The following ZNF141 variants were observed in gnomAD, a reference collection of about 807,000 sequenced individuals.
The protein encoded by ZNF141 is zinc finger protein 141 (clone pHZ-44).
A neutral mutation model predicts 11.3 loss-of-function variants in ZNF141; 7 were observed. The observed-to-expected ratio is 0.62, with a 90% CI of 0.35 to 1.16. The LOEUF is 1.16. ZNF141 is among the 50% of genes most tolerant of loss of function. The probability of loss-of-function intolerance (pLI) is 0.02; values close to 1 mark genes in which losing one functional copy is unlikely to be tolerated. For missense variants in ZNF141, 535 were observed against 554.0 expected, an observed-to-expected ratio of 0.97 and a Z score of 0.34; for synonymous variants, 183 against 190.7, an observed-to-expected ratio of 0.96 and a Z score of 0.33.
chr4:376,030 TA>T lies in ZNF141; in HGVS notation c.*2170del, dbSNP rs1406013891. Among the ~76,000 whole-genome samples, 1 of 152,078 alleles carries T rather than the reference TA, an allele frequency of 6.6e-6. No individual in the cohort carries two copies. The highest frequency in any genetic ancestry group is 1.5e-5 in the Non-Finnish European group (1 of 67,916). ...TTGTTTTACCAATTATACATTTATG[TA>T]ATAAGATACAGTAAATTTTAAAATT... On this transcript the variant is annotated 3_prime_UTR_variant, in exon 4 of 4. Coordinates refer to ENST00000240499, the MANE Select transcript of ZNF141 (RefSeq NM_003441.4).
chr4:345,526 C>T (rs1553849395), intron 3 of ZNF141, among the ~76,000 whole-genome samples: 1 of 151,928 alleles, frequency 6.6e-6, no homozygotes, highest in African/African-American at 2.4e-5. Flanking sequence ...ATCGGGAGTA[C>T]AAGACTAGCC....
Position 380,952 on chromosome 4 carries a change from T to C in ZNF141, c.*7090T>C, listed in dbSNP as rs148849964. On this transcript the variant is annotated 3_prime_UTR_variant, in exon 4 of 4. Transcript: ENST00000240499. ...AAATACTTCCTGTATTTAAACCATA[T>C]AAACTCTAGAATTGCCCTTCGATAC... is the stretch of plus-strand genomic sequence containing the variant. Among the ~76,000 whole-genome samples, 900 of 152,310 alleles carry C rather than the reference T, an allele frequency of 5.9e-3. 15 individuals carry two copies. In the South Asian group the frequency reaches 0.063, roughly 11 times the overall value.
At chr4:352,633 A>G (rs1390939133) in intron 3 of ZNF141, among the ~76,000 whole-genome samples, 2 of 152,194 alleles carry the variant, frequency 1.3e-5, no homozygotes, top group Non-Finnish European at 2.9e-5. Flanking sequence ...TTTCTTTGCA[A>G]TAAGCGTTTC....
At chr4:343,348 A>G (rs1553848806) in intron 1 of ZNF141, among the ~76,000 whole-genome samples, 2 of 152,208 alleles carry the variant, frequency 1.3e-5, no homozygotes, top group African/African-American at 4.8e-5. Flanking sequence ...TACTGCGTTG[A>G]AAGTTATTTT....
At chr4:361,587 C>G (rs1711506912) in intron 3 of ZNF141, among the ~76,000 whole-genome samples, 1 of 152,058 alleles carries the variant, frequency 6.6e-6, no homozygotes, top group South Asian at 2.1e-4. Flanking sequence ...TTTGAGTGTT[C>G]TCATTGTTCA....
rs1553854152 is a variant in ZNF141 at position 373,832 on chromosome 4, C to G, written c.1395C>G (p.His465Gln). 3 of 1,607,254 alleles carry G rather than the reference C, an allele frequency of 1.9e-6. No homozygotes were observed. The highest frequency in any genetic ancestry group is 1.3e-5 in the African/African-American group (1 of 74,530). ...DCDKAFKRFS[H>Q]LNKHKKIHT ...ACAAAGCCTTTAAACGGTTCTCACA[C>G]CTGAATAAACATAAGAAAATTCATA... The change falls in exon 4 of 4, where the codon CAC becomes CAG. Residue 465 changes from histidine (H) to glutamine (Q), a missense_variant. By Grantham distance (24) the His-to-Gln change is conservative (BLOSUM62 0). Coordinates refer to ENST00000240499, the MANE Select transcript of ZNF141 (RefSeq NM_003441.4).
chr4:372,907 TTTCAAA>T lies in ZNF141; in HGVS notation c.477_482del (p.Ser160_Asn161del). 1 of 1,613,678 alleles carries T rather than the reference TTTCAAA, an allele frequency of 6.2e-7. No individual in the cohort carries two copies. On this transcript the variant is annotated inframe_deletion, in exon 4 of 4. Transcript: ENST00000240499. The stretch of plus-strand genomic sequence containing the variant: ...GCAAGTGTCAAAGTTGTTAGTAAAT[TTTCAAA>T]TTCAAACAAACGTAAGACAAGACAT...
chr4:367,447 AAACTGTCATATGTCTGT>A (rs1408987063), intron 3 of ZNF141, among the ~76,000 whole-genome samples: 9 of 152,326 alleles, frequency 5.9e-5, no homozygotes, highest in Non-Finnish European at 1.2e-4. Context: ...ATAAGTTCAA[AAACTGTCATATGTCTGT>A]ATCTCAGATT....
chr4:349,304 AT>A (rs1286480272), intron 3 of ZNF141, among the ~76,000 whole-genome samples: 1 of 151,964 alleles, frequency 6.6e-6, no homozygotes, highest in African/African-American at 2.4e-5. Context: ...CTATATGTTG[AT>A]TATGTATCCT....
chr4:342,611 A>G (rs1553848670), intron 1 of ZNF141, among the ~76,000 whole-genome samples: 1 of 152,242 alleles, frequency 6.6e-6, no homozygotes, highest in African/African-American at 2.4e-5. Context: ...TATATGTACA[A>G]TGAAGCTTGA....
At position 356,385 on chromosome 4, in the gene ZNF141, C is replaced by T. The variant is rs576133240; in HGVS notation, c.226+11955C>T. ...ACCCAGGCTGGAGTACAGTGGAGTA[C>T]AGTGATCTCAGCTCACTGCAACCTT... On this transcript the variant is annotated intron_variant, in intron 3 of 3. Coordinates refer to ENST00000240499, the MANE Select transcript of ZNF141 (RefSeq NM_003441.4). Among the ~76,000 whole-genome samples the T allele has an allele frequency of 7.9e-5, 12 of 151,840 alleles. No individual in the cohort carries two copies. The East Asian group carries it at 1.4e-3, about 17-fold the overall frequency.
intron 3 of ZNF141, among the ~76,000 whole-genome samples, chr4:370,284 CTTTATA>C (rs1189777815): frequency 2.6e-5 from 4 of 151,846 alleles, no homozygotes; most frequent in African/African-American, 4.8e-5. Flanking sequence ...TGATACAGAA[CTTTATA>C]TTTGTGTTTG....
rs567162796 is a variant in ZNF141, at chr4:367,761, C to T, written c.227-4903C>T. Among the ~76,000 whole-genome samples the T allele has an allele frequency of 1.1e-4, 17 of 152,140 alleles. No homozygotes were observed. The South Asian group carries it at 3.1e-3, about 28-fold the overall frequency. ...TGATCTCCTGACCTCATGATCTGTC[C>T]GCCACGGCCTCCCAACATGCTGAGA... On this transcript the variant is annotated intron_variant, in intron 3 of 3. Transcript: ENST00000240499.
At chr4:368,409 T>G (rs1165131652) in intron 3 of ZNF141, among the ~76,000 whole-genome samples, 1 of 152,012 alleles carries the variant, frequency 6.6e-6, no homozygotes, top group Non-Finnish European at 1.5e-5. Flanking sequence ...ACCCATCTAA[T>G]TTTTGTATTT....
chr4:367,482 C>T (rs1553853052), intron 3 of ZNF141, among the ~76,000 whole-genome samples: 1 of 150,806 alleles, frequency 6.6e-6, no homozygotes, highest in African/African-American at 2.4e-5. Context: ...ATTTTAGATA[C>T]TATTTTTAAT....
At chr4:339,543 T>C (rs1432045870) in intron 1 of ZNF141, among the ~76,000 whole-genome samples, 1 of 152,276 alleles carries the variant, frequency 6.6e-6, no homozygotes, top group Admixed American at 6.5e-5. Context: ...CTGCCTGTTG[T>C]AGGACCAAAT....
chr4:373,547 TG>T lies in ZNF141; in HGVS notation c.1111del (p.Glu371AsnfsTer12). ...CTGGAGAGCGGCCCTACAAATGTGA[TG>T]AATGTGGCAAAGCCTTTGGACGGTC... ...HTGERPYKCDECGKAFGRSRV... is the reference protein window; with the variant it reads ...HTGERPYKCDXCGKAFGRSRV... On this transcript the variant is annotated frameshift_variant, in exon 4 of 4. Coordinates refer to ENST00000240499, the MANE Select transcript of ZNF141 (RefSeq NM_003441.4). LOFTEE classifies it low-confidence loss of function (END_TRUNC). The T allele has an allele frequency of 6.3e-7, 1 of 1,596,620 alleles. No homozygotes were observed. Among genetic ancestry groups the T allele is most frequent in the Non-Finnish European group, 8.5e-7 (1 of 1,173,844 alleles).
intron 3 of ZNF141, among the ~76,000 whole-genome samples, chr4:346,985 G>A (rs888550356): frequency 1.7e-4 from 26 of 149,390 alleles, no homozygotes; most frequent in African/African-American, 6.6e-4. Context: ...TATTTCCTTT[G>A]GTAGTATGCC....
intron 3 of ZNF141, among the ~76,000 whole-genome samples, chr4:347,984 A>C (rs1721418711): frequency 6.6e-6 from 1 of 151,784 alleles, no homozygotes; most frequent in African/African-American, 2.4e-5. Flanking sequence ...AGCTGGGATT[A>C]CAGGCACGTG....
Sources: gnomAD v4.1 joint callset for allele counts (sites outside exome capture counted in the v4.1 genomes callset) on GRCh38, gnomAD v4.1.1 for gene constraint, MANE v1.5 for transcripts, NCBI Gene and HGNC (gene_info 2026-07-23, HGNC 2026-07-21) for gene names.